OLFML1: variants seen among roughly 807,000 people sequenced by gnomAD.
OLFML1 encodes the protein olfactomedin-like protein 1.
Under a neutral mutation model 37.3 loss-of-function variants are expected in OLFML1, and 33 were observed. That is an observed-to-expected ratio of 0.88 (90% confidence interval 0.67 to 1.18). OLFML1 has a LOEUF of 1.18. OLFML1 is among the 50% of genes most tolerant of loss of function. OLFML1 has a pLI of 0.00. For synonymous variants in OLFML1, 186 were observed against 181.3 expected, an observed-to-expected ratio of 1.03 and a Z score of -0.21; for missense variants, 545 against 483.7, an observed-to-expected ratio of 1.13 and a Z score of -1.19.
chr11:7,491,608 T>C (rs1184732729), intron 2 of OLFML1, among the ~76,000 whole-genome samples: 2 of 152,254 alleles, frequency 1.3e-5, no homozygotes, highest in South Asian at 2.1e-4. Context: ...TTGTATTGTA[T>C]ATATTATGCA....
At chr11:7,504,094 T>C (rs1399962046) in intron 2 of OLFML1, among the ~76,000 whole-genome samples, 2 of 152,022 alleles carry the variant, frequency 1.3e-5, no homozygotes, top group African/African-American at 4.8e-5. Flanking sequence ...CCTGGAGAGC[T>C]GGAGAAGAGG....
At chr11:7,490,133 G>T (rs900721511) in intron 2 of OLFML1, among the ~76,000 whole-genome samples, 39 of 74,792 alleles carry the variant, frequency 5.2e-4, no homozygotes, top group East Asian at 7.9e-4. Flanking sequence ...AGGCTTTGGT[G>T]GGGGGGGGGG....
At chr11:7,491,982 C>G (rs1276898873) in intron 2 of OLFML1, among the ~76,000 whole-genome samples, 6 of 152,198 alleles carry the variant, frequency 3.9e-5, no homozygotes, top group Admixed American at 2.6e-4. Context: ...GATTTGGAAA[C>G]TTATCTGTAT....
intron 2 of OLFML1, among the ~76,000 whole-genome samples, chr11:7,494,942 C>T (rs1023114986): frequency 7.9e-5 from 12 of 152,184 alleles, no homozygotes; most frequent in African/African-American, 2.9e-4. Flanking sequence ...TTTTCTTTCC[C>T]TACCCTCCTG....
intron 2 of OLFML1, among the ~76,000 whole-genome samples, chr11:7,507,846 C>CT (rs1848803833): frequency 6.6e-6 from 1 of 152,194 alleles, no homozygotes; most frequent in African/African-American, 2.4e-5. Context: ...CACGCCCAGC[C>CT]TATGTGTAAC....
chr11:7,486,179 C>A (rs1196749401), intron 1 of OLFML1, among the ~76,000 whole-genome samples, 175 bp downstream of exon 1: 1 of 152,178 alleles, frequency 6.6e-6, no homozygotes, highest in Non-Finnish European at 1.5e-5. Context: ...CTCCAGAGTC[C>A]AGTGTGCTAC....
In OLFML1 at chr11:7,486,003, A is replaced by G. The variant is rs1489355965; in HGVS notation, c.128A>G (p.Glu43Gly). ...HYIYQRFRVL[E>G]QGLEKCTQAT... ...ATCTACCAGCGCTTTCGAGTCTTGG[A>G]GGTAGGTGGCATCTGTACACCTTGG... Residue 43 changes from glutamate (E) to glycine (G), a missense_variant and splice_region_variant, in exon 1 of 3, where the codon GAG becomes GGG. Glu to Gly is a moderately conservative substitution (Grantham distance 98, BLOSUM62 -2). Transcript: ENST00000329293. 2 of 1,613,834 alleles carry G rather than the reference A, an allele frequency of 1.2e-6. No individual in the cohort carries two copies. Among genetic ancestry groups the G allele is most frequent in the Non-Finnish European group, 1.7e-6 (2 of 1,179,802 alleles).
chr11:7,493,531 C>T (rs893309039), intron 2 of OLFML1, among the ~76,000 whole-genome samples: 1 of 152,182 alleles, frequency 6.6e-6, no homozygotes, highest in Non-Finnish European at 1.5e-5. Context: ...CGTGTGTGTA[C>T]GTGTGCCTGC....
At chr11:7,493,370 G>C (rs913300198) in intron 2 of OLFML1, among the ~76,000 whole-genome samples, 3 of 152,198 alleles carry the variant, frequency 2.0e-5, no homozygotes, top group African/African-American at 7.2e-5. Context: ...CAAATAAAAT[G>C]TATCTGTTTG....
At chr11:7,487,332 G>A (rs1289063709) in intron 1 of OLFML1, among the ~76,000 whole-genome samples, 1 of 152,170 alleles carries the variant, frequency 6.6e-6, no homozygotes, top group African/African-American at 2.4e-5. Flanking sequence ...GGAAAAAAGA[G>A]GGTAGGGATT....
intron 2 of OLFML1, among the ~76,000 whole-genome samples, chr11:7,495,117 T>C (rs1173088530): frequency 6.6e-6 from 1 of 152,172 alleles, no homozygotes; most frequent in Non-Finnish European, 1.5e-5. Flanking sequence ...GTAGATTTTT[T>C]CTTGTGAATC....
At chr11:7,505,621 T>C (rs1326783599) in intron 2 of OLFML1, among the ~76,000 whole-genome samples, 1 of 152,132 alleles carries the variant, frequency 6.6e-6, no homozygotes, top group Non-Finnish European at 1.5e-5. Context: ...ACTTGAGTCC[T>C]AGAGTTTGAG....
chr11:7,495,654 G>A (rs1350456894), intron 2 of OLFML1, among the ~76,000 whole-genome samples: 1 of 152,026 alleles, frequency 6.6e-6, no homozygotes, highest in African/African-American at 2.4e-5. Flanking sequence ...TGCTGTGCCT[G>A]GAACAGAGTA....
At chr11:7,495,249 A>G (rs1057451245) in intron 2 of OLFML1, among the ~76,000 whole-genome samples, 4 of 151,926 alleles carry the variant, frequency 2.6e-5, no homozygotes, top group East Asian at 1.9e-4. Context: ...GCTTTATCCT[A>G]TATTGCCACA....
At position 7,485,984 on chromosome 11, in the gene OLFML1, C is replaced by A; in HGVS notation, c.109C>A (p.Gln37Lys). The A allele has an allele frequency of 6.2e-7, 1 of 1,614,028 alleles. No homozygotes were observed. Among genetic ancestry groups the A allele is most frequent in the Non-Finnish European group, 8.5e-7 (1 of 1,179,958 alleles). ...CCCAGCCATGGTGCATTACATCTAC[C>A]AGCGCTTTCGAGTCTTGGAGGTAGG... ...QDPAMVHYIY[Q>K]RFRVLEQGLE... The change falls in exon 1 of 3, where the codon CAG becomes AAG. Residue 37 changes from glutamine to lysine, a missense_variant. Gln to Lys is a moderately conservative substitution (Grantham distance 53, BLOSUM62 1). Coordinates refer to ENST00000329293, the MANE Select transcript of OLFML1 (RefSeq NM_198474.4).
chr11:7,491,185 T>C (rs949501103), intron 2 of OLFML1, among the ~76,000 whole-genome samples: 3 of 151,930 alleles, frequency 2.0e-5, no homozygotes, highest in Non-Finnish European at 4.4e-5. Flanking sequence ...TCAAAAATGC[T>C]GTGAATTCTT....
In OLFML1 at chr11:7,485,656, G is replaced by C; in HGVS notation, c.-220G>C. 1 of 548,698 alleles carries C rather than the reference G, an allele frequency of 1.8e-6. No individual in the cohort carries two copies. Among genetic ancestry groups the C allele is most frequent in the Non-Finnish European group, 3.3e-6 (1 of 306,476 alleles). 34.0% of individuals were successfully genotyped at this position (548,698 alleles called of 1,614,324 possible). On this transcript the variant is annotated 5_prime_UTR_variant, in exon 1 of 3. Coordinates refer to ENST00000329293, the MANE Select transcript of OLFML1 (RefSeq NM_198474.4). ...CCACAGGTCAGTCTACAAGGCCTCA[G>C]GGACCAACTTGCCAACAGCTGGACT...
At position 7,509,724 on chromosome 11, in the gene OLFML1, C is replaced by A; in HGVS notation, c.745C>A (p.Arg249=). The change falls in exon 3 of 3, where the codon CGA becomes AGA. Residue 249 remains arginine (R), a synonymous_variant. Coordinates refer to ENST00000329293, the MANE Select transcript of OLFML1 (RefSeq NM_198474.4). ...YNLQKRTVED[R]MLLPGGVGRA... is the part of the protein sequence containing the mutation. ...CCTGCAGAAGAGGACTGTGGAAGAT[C>A]GAATGCTGCTCCCAGGAGGGGTAGG... is the stretch of plus-strand genomic sequence containing the variant. The A allele has an allele frequency of 6.2e-7, 1 of 1,614,176 alleles. No homozygotes were observed. Among genetic ancestry groups the A allele is most frequent in the Non-Finnish European group, 8.5e-7 (1 of 1,180,014 alleles).
chr11:7,508,839 A>T (rs920413614), intron 2 of OLFML1, among the ~76,000 whole-genome samples: 2 of 152,240 alleles, frequency 1.3e-5, no homozygotes, highest in Non-Finnish European at 2.9e-5. Flanking sequence ...CTAAGTACAC[A>T]GTACAATAAA....
Sources: allele counts gnomAD v4.1 joint callset (sites outside exome capture counted in the v4.1 genomes callset), GRCh38; gene constraint gnomAD v4.1.1; transcripts MANE v1.5; gene names NCBI Gene and HGNC (gene_info 2026-07-23, HGNC 2026-07-21).